The following ARHGAP1 variants were observed in gnomAD, a reference collection of about 807,000 sequenced individuals.
The protein encoded by ARHGAP1 is Rho GTPase activating protein 1, also known as rho GTPase-activating protein 1.
A neutral mutation model predicts 52.2 loss-of-function variants in ARHGAP1; 23 were observed. The ratio of observed to expected loss-of-function variants is 0.44; its 90% confidence interval spans 0.32 to 0.62. The LOEUF (loss-of-function observed/expected upper bound fraction) is 0.62. Among genes scored for constraint, ARHGAP1 ranks in the 20% least tolerant of loss-of-function variants. The pLI is 0.05. For missense variants in ARHGAP1, 480 were observed against 560.9 expected (o/e 0.86, Z 1.46); for synonymous variants, 210 against 228.4 (o/e 0.92, Z 0.73).
At chr11:46,692,142 T>C (rs2064619600) in intron 3 of ARHGAP1, among the ~76,000 whole-genome samples, 1 of 152,146 alleles carries the variant, frequency 6.6e-6, no homozygotes, top group African/African-American at 2.4e-5. Context: ...TCTGGGGCTA[T>C]GTGCCTGCTC....
rs2064489497 is a variant in ARHGAP1 at position 46,677,741 on chromosome 11, G to A, written c.*1296C>T. ...CCGAGGTGGGTGGATCATGAGGTCA[G>A]GAGATCGAGACCATCCTGGCCAACA... is the stretch of plus-strand genomic sequence containing the variant. On this transcript the variant is annotated 3_prime_UTR_variant, in exon 13 of 13. Transcript: ENST00000311956. The A allele has an allele frequency of 3.5e-6, 1 of 283,262 alleles. No homozygotes were observed. Among genetic ancestry groups the A allele is most frequent in the Non-Finnish European group, 7.0e-6 (1 of 143,648 alleles). The allele number at this position is 283,262 out of a possible 1,614,324, so 17.5% of individuals were successfully genotyped here. A position where few individuals can be genotyped will look rare whatever the true frequency, so the allele number is the denominator to read the frequency against.
intron 3 of ARHGAP1, among the ~76,000 whole-genome samples, chr11:46,694,645 T>G (rs1419230480): frequency 2.6e-5 from 4 of 152,106 alleles, no homozygotes; most frequent in Non-Finnish European, 5.9e-5. Flanking sequence ...GTTCAGAACC[T>G]TCAAGGTGAC....
Position 46,696,171 on chromosome 11 carries a change from G to C in ARHGAP1, c.-49-15C>G. 8 of 1,524,156 alleles carry C rather than the reference G, an allele frequency of 5.2e-6. No homozygotes were observed. The highest frequency in any genetic ancestry group is 7.1e-6 in the Non-Finnish European group (8 of 1,132,752). 94.4% of individuals were successfully genotyped at this position (1,524,156 alleles called of 1,614,324 possible). A position where few individuals can be genotyped will look rare whatever the true frequency, so the allele number is the denominator to read the frequency against. ...TTAAGAGAAACCTGGGAGAGAGGAA[G>C]ACAGGTGGCAGGTCAGTGACCTGCT... On this transcript the variant is annotated splice_polypyrimidine_tract_variant and intron_variant, in intron 1 of 12. Coordinates refer to ENST00000311956, the MANE Select transcript of ARHGAP1 (RefSeq NM_004308.5). This position sits in a 1 kb window ranked among gnomAD's most constrained non-coding sequence, Gnocchi z 4.8.
At chr11:46,689,114 A>G (rs1043929016) in intron 3 of ARHGAP1, among the ~76,000 whole-genome samples, 8 of 151,892 alleles carry the variant, frequency 5.3e-5, no homozygotes, top group Non-Finnish European at 4.4e-5. Context: ...TGCCTGGTGC[A>G]GACAACCCAA....
In ARHGAP1 at chr11:46,680,276, G is replaced by C; in HGVS notation, c.827C>G (p.Thr276Ser). 6.2e-7 allele frequency: 1 copy of C among 1,614,124 alleles called. No homozygotes were observed. The highest frequency in any genetic ancestry group is 8.5e-7 in the Non-Finnish European group (1 of 1,180,026). Residue 276 changes from threonine (T) to serine (S), a missense_variant, in exon 10 of 13, where the codon ACC becomes AGC. Transcript: ENST00000311956. This position sits in a 1 kb window ranked among gnomAD's most constrained non-coding sequence, Gnocchi z 5.9. ...TVAYLQAHAL[T>S]TEGIFRRSAN... ...CGACCTCCGGAAGATGCCCTCGGTG[G>C]TGAGAGCTGGGAAACAGTAGGGCCT...
At position 46,700,570 on chromosome 11, in the gene ARHGAP1, C is replaced by G. The variant is rs889061006; in HGVS notation, c.-69G>C. 4 of 192,220 alleles carry G rather than the reference C, an allele frequency of 2.1e-5. No individual in the cohort carries two copies. The highest frequency in any genetic ancestry group is 1.0e-4 in the South Asian group (1 of 9,718). 11.9% of individuals were successfully genotyped at this position (192,220 alleles called of 1,614,324 possible). A position where few individuals can be genotyped will look rare whatever the true frequency, so the allele number is the denominator to read the frequency against. ...GCTCACCGCGCTCGGGCACTGCTCC[C>G]TCTGCCACGCCTGTCAAGGCTCGGC... On this transcript the variant is annotated 5_prime_UTR_variant, in exon 1 of 13. Coordinates refer to ENST00000311956, the MANE Select transcript of ARHGAP1 (RefSeq NM_004308.5).
rs773998207 is a variant in ARHGAP1 at position 46,696,101 on chromosome 11, G to C, written c.7C>G (p.Pro3Ala). 6.3e-7 allele frequency: 1 copy of C among 1,597,984 alleles called. No homozygotes were observed. The highest frequency in any genetic ancestry group is 1.1e-5 in the South Asian group (1 of 89,094). Reference sequence around the variant, plus strand: ...AGATCATCCTGCAGCTCTGAGAGCGGATCCATGGCCAAGCCTGTCCCAGAC... The same window carrying C: ...AGATCATCCTGCAGCTCTGAGAGCGCATCCATGGCCAAGCCTGTCCCAGAC... MD[P>A]LSELQDDLTL... The change falls in exon 2 of 13, where the codon CCG (proline) becomes GCG (alanine). Residue 3 changes from proline to alanine, a missense_variant. Coordinates refer to ENST00000311956, the MANE Select transcript of ARHGAP1 (RefSeq NM_004308.5). The surrounding 1 kb of genome is among the most constrained non-coding windows in gnomAD (Gnocchi z 4.8).
At position 46,696,368 on chromosome 11, in the gene ARHGAP1, AGAG is replaced by A. The variant is rs2064654768; in HGVS notation, c.-49-215_-49-213del. Among the ~76,000 whole-genome samples the A allele has an allele frequency of 6.6e-6, 1 of 152,142 alleles. No individual in the cohort carries two copies. The highest frequency in any genetic ancestry group is 1.5e-5 in the Non-Finnish European group (1 of 68,014). ...TGTTGCCAGAAAAGGCAGCTGGGGCAGAGGATGGCACAGCTCAGCGCCTCCCTC... is the reference window on the plus strand; with the variant it reads ...TGTTGCCAGAAAAGGCAGCTGGGGCAGATGGCACAGCTCAGCGCCTCCCTC... On this transcript the variant is annotated intron_variant, in intron 1 of 12. Coordinates refer to ENST00000311956, the MANE Select transcript of ARHGAP1 (RefSeq NM_004308.5). This position sits in a 1 kb window ranked among gnomAD's most constrained non-coding sequence, Gnocchi z 4.8.
Position 46,696,239 on chromosome 11 carries a change from C to G in ARHGAP1, c.-49-83G>C, listed in dbSNP as rs1047283523. On this transcript the variant is annotated intron_variant, in intron 1 of 12. Coordinates refer to ENST00000311956, the MANE Select transcript of ARHGAP1 (RefSeq NM_004308.5). The surrounding 1 kb of genome is among the most constrained non-coding windows in gnomAD (Gnocchi z 4.8). ...CCTCCACCGCGTGCCCTCCTGCCCC[C>G]ACCATTCCCTCTCCCAGGCTCCCTG... 2 of 913,406 alleles carry G rather than the reference C, an allele frequency of 2.2e-6. No individual in the cohort carries two copies. Among genetic ancestry groups the G allele is most frequent in the Non-Finnish European group, 3.2e-6 (2 of 617,166 alleles). 56.6% of individuals were successfully genotyped at this position (913,406 alleles called of 1,614,324 possible).
At position 46,680,135 on chromosome 11, in the gene ARHGAP1, G is replaced by T; in HGVS notation, c.898+70C>A. The T allele has an allele frequency of 6.7e-7, 1 of 1,498,044 alleles. No homozygotes were observed. The highest frequency in any genetic ancestry group is 9.3e-7 in the Non-Finnish European group (1 of 1,076,424). 92.8% of individuals were successfully genotyped at this position (1,498,044 alleles called of 1,614,324 possible). A position where few individuals can be genotyped will look rare whatever the true frequency, so the allele number is the denominator to read the frequency against. ...AGACTCTGAGACTCTCATTTACAGG[G>T]CAGCAGAGGGCAGAGAAGCCCCCTA... On this transcript the variant is annotated intron_variant, in intron 10 of 12. Transcript: ENST00000311956. The surrounding 1 kb of genome is among the most constrained non-coding windows in gnomAD (Gnocchi z 5.9).
intron 4 of ARHGAP1, among the ~76,000 whole-genome samples, chr11:46,685,339 T>A (rs1202442774): frequency 2.0e-5 from 3 of 151,626 alleles, no homozygotes; most frequent in Non-Finnish European, 4.4e-5. Context: ...CTTTTTTTTT[T>A]TTTTTGAGAC....
chr11:46,694,282 C>T (rs1430255401), intron 3 of ARHGAP1, among the ~76,000 whole-genome samples: 5 of 152,060 alleles, frequency 3.3e-5, no homozygotes, highest in East Asian at 3.9e-4. Context: ...CTGCTATTTC[C>T]GACTCCCAGG....
At chr11:46,690,620 C>A (rs1372243309) in intron 3 of ARHGAP1, among the ~76,000 whole-genome samples, 1 of 152,094 alleles carries the variant, frequency 6.6e-6, no homozygotes, top group East Asian at 1.9e-4. Flanking sequence ...TATTCTAGGG[C>A]CCCCACCAAC....
intron 3 of ARHGAP1, among the ~76,000 whole-genome samples, chr11:46,694,245 A>C (rs2064635845): frequency 6.7e-6 from 1 of 148,320 alleles, no homozygotes; most frequent in African/African-American, 2.5e-5. Context: ...AGCCTCCCCC[A>C]CCCCCATCCT....
rs552003652 is a variant in ARHGAP1, at chr11:46,681,527, G to C, written c.450-148C>G. On this transcript the variant is annotated intron_variant, in intron 5 of 12. Coordinates refer to ENST00000311956, the MANE Select transcript of ARHGAP1 (RefSeq NM_004308.5). The surrounding 1 kb of genome is among the most constrained non-coding windows in gnomAD (Gnocchi z 5.7). ...CAGCTCATTGCAGCCTCCACCTCCCGGATTCAAGCTATTCTCCTGCCTCAG... is the reference window on the plus strand; with the variant it reads ...CAGCTCATTGCAGCCTCCACCTCCCCGATTCAAGCTATTCTCCTGCCTCAG... The C allele has an allele frequency of 3.2e-6, 2 of 627,476 alleles. No homozygotes were observed. The highest frequency in any genetic ancestry group is 5.8e-6 in the Non-Finnish European group (2 of 347,230). The allele number at this position is 627,476 out of a possible 1,614,324, so 38.9% of individuals were successfully genotyped here.
Position 46,680,162 on chromosome 11 carries a change from C to A in ARHGAP1, c.898+43G>T. On this transcript the variant is annotated intron_variant, in intron 10 of 12. Transcript: ENST00000311956. The surrounding 1 kb of genome is among the most constrained non-coding windows in gnomAD (Gnocchi z 5.9). ...AGCAGAGGGCAGAGAAGCCCCCTAC[C>A]AGTAACACACATATGGCCCTGCAAC... 1.3e-6 allele frequency: 2 copies of A among 1,593,484 alleles called. No individual in the cohort carries two copies. The highest frequency in any genetic ancestry group is 1.1e-5 in the South Asian group (1 of 90,682).
chr11:46,695,359 G>A (rs914137317), intron 3 of ARHGAP1: 1 of 425,144 alleles, frequency 2.4e-6, no homozygotes, highest in Non-Finnish European at 4.5e-6. Context: ...GAGGGCAATA[G>A]AACGAGGGGA....
chr11:46,680,680 G>GC lies in ARHGAP1; in HGVS notation c.702dup (p.Pro235AlafsTer76). 3 of 1,605,326 alleles carry GC rather than the reference G, an allele frequency of 1.9e-6. No individual in the cohort carries two copies. Among genetic ancestry groups the GC allele is most frequent in the Non-Finnish European group, 2.6e-6 (3 of 1,174,984 alleles). On this transcript the variant is annotated frameshift_variant, in exon 8 of 13. Transcript: ENST00000311956. LOFTEE classifies it high-confidence loss of function. The surrounding 1 kb of genome is among the most constrained non-coding windows in gnomAD (Gnocchi z 5.9). ...CCAAACTGCTGGTTGGGCAGGGGGG[G>GC]CCGTGGGGGCATGGGCTTGGGGGCT...
chr11:46,681,918 T>C lies in ARHGAP1; in HGVS notation c.449+133A>G, dbSNP rs2064531710. 3.9e-6 allele frequency: 5 copies of C among 1,270,988 alleles called. No homozygotes were observed. The highest frequency in any genetic ancestry group is 1.4e-5 in the South Asian group (1 of 70,372). 78.7% of individuals were successfully genotyped at this position (1,270,988 alleles called of 1,614,324 possible). On this transcript the variant is annotated intron_variant, in intron 5 of 12. Coordinates refer to ENST00000311956, the MANE Select transcript of ARHGAP1 (RefSeq NM_004308.5). This position sits in a 1 kb window ranked among gnomAD's most constrained non-coding sequence, Gnocchi z 5.7. Reference sequence around the variant, plus strand: ...CAGGGTGATCTGACTGCAGATTCTTTACATTGACGTAGACGGCAGCCCCCG... The same window carrying C: ...CAGGGTGATCTGACTGCAGATTCTTCACATTGACGTAGACGGCAGCCCCCG...
Sources: gnomAD v4.1 joint callset for allele counts (sites outside exome capture counted in the v4.1 genomes callset) on GRCh38, gnomAD v4.1.1 for gene constraint, Gnocchi (gnomAD v3.1) non-coding constraint, MANE v1.5 for transcripts, NCBI Gene and HGNC (gene_info 2026-07-23, HGNC 2026-07-21) for gene names.